The following ARID4B variants were observed in gnomAD, a reference collection of about 807,000 sequenced individuals.
The protein encoded by ARID4B is AT-rich interactive domain-containing protein 4B.
Under a neutral mutation model 147.5 loss-of-function variants are expected in ARID4B, and 26 were observed. The observed-to-expected ratio is 0.18, with a 90% CI of 0.13 to 0.24. The LOEUF is 0.24. ARID4B is among the 10% of genes least tolerant of loss of function. ARID4B has a pLI of 1.00. For synonymous variants in ARID4B, 512 were observed against 507.9 expected (o/e 1.01, Z -0.11); for missense variants, 1,179 against 1,511.5 (o/e 0.78, Z 3.65).
chr1:235,246,389 G>T (rs1172334669), intron 7 of ARID4B, 31 bp downstream of exon 7: 1 of 1,485,404 alleles, frequency 6.7e-7, no homozygotes, highest in Non-Finnish European at 9.4e-7. Flanking sequence ...ATGAATTCAG[G>T]TTCAACTAAC....
At chr1:235,322,225 AC>A (rs1373797193) in intron 2 of ARID4B, among the ~76,000 whole-genome samples, 4 of 151,902 alleles carry the variant, frequency 2.6e-5, no homozygotes, top group African/African-American at 9.7e-5. Context: ...ACAGGGTTTC[AC>A]CATGTTGGCC....
Position 235,229,377 on chromosome 1 carries a change from G to C in ARID4B, c.751C>G (p.Gln251Glu). ...PDAVLKQAFE[Q>E]ALEFHKSRTI... ...CTACTTTTGTGAAATTCAAGTGCCT[G>C]TTCAAAGGCTGGAAACAGACCACAA... Residue 251 changes from glutamine (Q) to glutamate (E), a missense_variant, in exon 11 of 24, where the codon CAG becomes GAG. Physicochemically the swap from Gln to Glu is conservative, Grantham distance 29. Coordinates refer to ENST00000264183, the MANE Select transcript of ARID4B (RefSeq NM_016374.6). 1 of 1,610,554 alleles carries C rather than the reference G, an allele frequency of 6.2e-7. No homozygotes were observed. The highest frequency in any genetic ancestry group is 8.5e-7 in the Non-Finnish European group (1 of 1,177,440).
At chr1:235,193,239 A>G (rs1427222988) in intron 19 of ARID4B, among the ~76,000 whole-genome samples, 1 of 152,212 alleles carries the variant, frequency 6.6e-6, no homozygotes, top group Non-Finnish European at 1.5e-5. Flanking sequence ...TCTAGAAACA[A>G]TATAAATATT....
At chr1:235,312,311 C>T (rs780680094) in intron 2 of ARID4B, among the ~76,000 whole-genome samples, 8 of 146,482 alleles carry the variant, frequency 5.5e-5, no homozygotes, top group Non-Finnish European at 1.1e-4. Context: ...AAGAAAATTA[C>T]GAACAATATG....
rs563874019 is a variant in ARID4B at position 235,192,369 on chromosome 1, T to C, written c.2125+1644A>G. 4.6e-5 allele frequency among the ~76,000 whole-genome samples: 7 copies of C among 152,360 alleles called. No individual in the cohort carries two copies. In the South Asian group the frequency reaches 1.0e-3, roughly 23 times the overall value. On this transcript the variant is annotated intron_variant, in intron 19 of 23. Coordinates refer to ENST00000264183, the MANE Select transcript of ARID4B (RefSeq NM_016374.6). ...CATGTTTTAAGTAAATAGTATTTGA[T>C]TGCTACTGTGGAGACATACTAGTAT...
intron 9 of ARID4B, among the ~76,000 whole-genome samples, chr1:235,233,724 G>C (rs1212229343): frequency 6.6e-6 from 1 of 152,178 alleles, no homozygotes; most frequent in Admixed American, 6.5e-5. Flanking sequence ...GACATAACTA[G>C]TAGAAGTATT....
intron 2 of ARID4B, among the ~76,000 whole-genome samples, chr1:235,318,365 G>C (rs1674588701): frequency 6.6e-6 from 1 of 151,572 alleles, no homozygotes; most frequent in Non-Finnish European, 1.5e-5. Flanking sequence ...GTACAGATGG[G>C]GTTTCACCAT....
intron 2 of ARID4B, among the ~76,000 whole-genome samples, chr1:235,324,868 A>T (rs1675110523): frequency 6.6e-6 from 1 of 152,218 alleles, no homozygotes; most frequent in Admixed American, 6.5e-5. Flanking sequence ...CAGCAGTTAC[A>T]GATCGTGCCA....
At position 235,234,286 on chromosome 1, in the gene ARID4B, A is replaced by T. The variant is rs150013024; in HGVS notation, c.665+127T>A. 1.3e-4 allele frequency: 83 copies of T among 645,298 alleles called. No homozygotes were observed. In the African/African-American group the frequency reaches 1.4e-3, roughly 11 times the overall value. The allele number at this position is 645,298 out of a possible 1,614,324, so 40.0% of individuals were successfully genotyped here. A position where few individuals can be genotyped will look rare whatever the true frequency, so the allele number is the denominator to read the frequency against. The stretch of plus-strand genomic sequence containing the variant: ...ATGAAAAACAGTGACTCTTTGAAAC[A>T]TTCTGTATGATGAAAAATAAAAGCC... On this transcript the variant is annotated intron_variant, in intron 9 of 23. Transcript: ENST00000264183.
intron 6 of ARID4B, among the ~76,000 whole-genome samples, chr1:235,246,938 CAA>C (rs1458050440): frequency 6.6e-6 from 1 of 151,992 alleles, no homozygotes; most frequent in African/African-American, 2.4e-5. Context: ...TAATAAGAAA[CAA>C]AATTAATTAT....
chr1:235,246,832 T>C (rs1669329612), intron 6 of ARID4B, among the ~76,000 whole-genome samples: 1 of 152,038 alleles, frequency 6.6e-6, no homozygotes, highest in African/African-American at 2.4e-5. Flanking sequence ...GAAAGACAAA[T>C]GTGAGAATTA....
chr1:235,299,866 G>T (rs1444611301), intron 2 of ARID4B, among the ~76,000 whole-genome samples: 1 of 152,150 alleles, frequency 6.6e-6, no homozygotes, highest in Non-Finnish European at 1.5e-5. Flanking sequence ...ATTTTTAAAC[G>T]TATGATGCAA....
chr1:235,175,174 T>A lies in ARID4B; in HGVS notation c.3664+10A>T, dbSNP rs370264947. 5 of 1,605,518 alleles carry A rather than the reference T, an allele frequency of 3.1e-6. 1 individual carries two copies. In the South Asian group the frequency reaches 5.5e-5, roughly 18 times the overall value. On this transcript the variant is annotated intron_variant, in intron 22 of 23. Transcript: ENST00000264183. Reference sequence around the variant, plus strand: ...AGTTTGTATGCTTGTCAATTTAACATGTCACTTACACATCTGAAAACTCCA... The same window carrying A: ...AGTTTGTATGCTTGTCAATTTAACAAGTCACTTACACATCTGAAAACTCCA...
intron 18 of ARID4B, among the ~76,000 whole-genome samples, chr1:235,195,647 AAAGAAGAAGAG>A (rs1436771012): frequency 6.6e-6 from 1 of 152,182 alleles, no homozygotes; most frequent in Non-Finnish European, 1.5e-5. Context: ...ATAATCAGAT[AAAGAAGAAGAG>A]AAAAAGGAGT....
chr1:235,215,129 G>C (rs1666974385), intron 16 of ARID4B, among the ~76,000 whole-genome samples: 1 of 152,058 alleles, frequency 6.6e-6, no homozygotes, highest in Non-Finnish European at 1.5e-5. Flanking sequence ...ACAGCCGTGA[G>C]CCACCACACC....
chr1:235,204,445 ACAG>A, intron 17 of ARID4B, among the ~76,000 whole-genome samples: 1 of 152,256 alleles, frequency 6.6e-6, no homozygotes, highest in East Asian at 1.9e-4. Context: ...TAAGAATATA[ACAG>A]CAGAATGACA....
intron 2 of ARID4B, among the ~76,000 whole-genome samples, chr1:235,278,066 G>A (rs1279761525): frequency 4.6e-5 from 7 of 152,114 alleles, no homozygotes; most frequent in African/African-American, 1.7e-4. Flanking sequence ...AAGGCAAGTA[G>A]AAAGGGCCAT....
In ARID4B at chr1:235,183,503, T is replaced by A. The variant is rs539637588; in HGVS notation, c.2126-710A>T. On this transcript the variant is annotated intron_variant, in intron 19 of 23. Coordinates refer to ENST00000264183, the MANE Select transcript of ARID4B (RefSeq NM_016374.6). ...GATTACAGGCGTGAGCCACCACGCCTGGCCCCAAGTTTATACTCTTATGAA... is the reference window on the plus strand; with the variant it reads ...GATTACAGGCGTGAGCCACCACGCCAGGCCCCAAGTTTATACTCTTATGAA... Among the ~76,000 whole-genome samples, 19 of 152,284 alleles carry A rather than the reference T, an allele frequency of 1.2e-4. 1 individual carries two copies. In the South Asian group the frequency reaches 3.9e-3, roughly 32 times the overall value.
intron 17 of ARID4B, among the ~76,000 whole-genome samples, chr1:235,213,546 G>A (rs1407128653): frequency 6.6e-6 from 1 of 152,116 alleles, no homozygotes; most frequent in Non-Finnish European, 1.5e-5. Flanking sequence ...AATCAAGTGT[G>A]TAGACCTCGG....
Sources: gnomAD v4.1 joint callset for allele counts (sites outside exome capture counted in the v4.1 genomes callset) on GRCh38, gnomAD v4.1.1 for gene constraint, MANE v1.5 for transcripts, NCBI Gene and HGNC (gene_info 2026-07-23, HGNC 2026-07-21) for gene names.